The following PSMF1 variants were observed in gnomAD, a reference collection of about 807,000 sequenced individuals.
PSMF1 encodes proteasome inhibitor subunit 1.
PSMF1 carries 30 observed loss-of-function variants against 29.3 expected under a neutral mutation model. The observed-to-expected ratio is 1.02, with a 90% CI of 0.77 to 1.39. The LOEUF is 1.39. Ranked by LOEUF, PSMF1 falls within the 40% of genes most tolerant of loss-of-function variation. PSMF1 has a pLI of 0.00. For missense variants in PSMF1, 344 were observed against 357.5 expected, an observed-to-expected ratio of 0.96 and a Z score of 0.31; for synonymous variants, 134 against 139.7, an observed-to-expected ratio of 0.96 and a Z score of 0.29.
At chr20:1,138,316 ATTGAT>A (rs142597546) in intron 4 of PSMF1, among the ~76,000 whole-genome samples, 61,478 of 151,558 alleles carry the variant, frequency 0.41, 13,187 homozygotes, top group Admixed American at 0.48. Context: ...TCCAGGAATG[ATTGAT>A]TTAACATCTG....
chr20:1,149,234 C>A (rs896140539), intron 4 of PSMF1, among the ~76,000 whole-genome samples: 2 of 152,164 alleles, frequency 1.3e-5, no homozygotes, highest in Non-Finnish European at 2.9e-5. Flanking sequence ...TACTGTTAAA[C>A]CAACTTGACG....
At position 1,168,339 on chromosome 20, in the gene PSMF1, G is replaced by T. The variant is rs2086755794; in HGVS notation, c.*3259G>T. On this transcript the variant is annotated 3_prime_UTR_variant, in exon 7 of 7. Coordinates refer to ENST00000335877, the MANE Select transcript of PSMF1 (RefSeq NM_006814.5). ...GGTTTGAAATTTCTTTGTTTATCCA[G>T]TGAATTACAAGTAGAATAAAGATCT... The T allele has an allele frequency of 6.6e-6, 1 of 152,222 alleles. No homozygotes were observed. Among genetic ancestry groups the T allele is most frequent in the African/African-American group, 2.4e-5 (1 of 41,444 alleles). The allele number at this position is 152,222 out of a possible 1,614,324, so 9.4% of individuals were successfully genotyped here. A position where few individuals can be genotyped will look rare whatever the true frequency, so the allele number is the denominator to read the frequency against.
intron 4 of PSMF1, among the ~76,000 whole-genome samples, chr20:1,144,048 A>G (rs1019740227): frequency 6.6e-5 from 10 of 152,292 alleles, no homozygotes; most frequent in South Asian, 2.1e-4. Flanking sequence ...AGATGGCACC[A>G]CTGCTCTCCA....
chr20:1,157,306 A>C (rs2086606102), intron 4 of PSMF1, among the ~76,000 whole-genome samples: 1 of 152,164 alleles, frequency 6.6e-6, no homozygotes, highest in Non-Finnish European at 1.5e-5. Flanking sequence ...CCTTCAATCC[A>C]ATCAAGTTGG....
At chr20:1,115,874 A>G (rs944609695), upstream of PSMF1, among the ~76,000 whole-genome samples, 7 of 151,882 alleles carry the variant, frequency 4.6e-5, no homozygotes, top group Admixed American at 4.6e-4. Flanking sequence ...CTGGGATTAC[A>G]GGTGCCTGCC....
intron 3 of PSMF1, among the ~76,000 whole-genome samples, chr20:1,128,087 G>T (rs770574376): frequency 8.1e-4 from 123 of 152,296 alleles, no homozygotes; most frequent in Non-Finnish European, 1.9e-4. Flanking sequence ...ATGAGAATGT[G>T]TGTCTATCAT....
chr20:1,127,407 T>C lies in PSMF1; in HGVS notation c.283-19T>C. The C allele has an allele frequency of 1.9e-6, 3 of 1,560,102 alleles. No individual in the cohort carries two copies. Among genetic ancestry groups the C allele is most frequent in the South Asian group, 1.1e-5 (1 of 89,968 alleles). On this transcript the variant is annotated intron_variant, in intron 2 of 6. Transcript: ENST00000335877. ...CCAGAAATATCCCAGTCTCTCACTT[T>C]CTATTTTCACCCATCTAGGAATATG...
At chr20:1,161,062 G>T in intron 4 of PSMF1, 1 of 466,578 alleles carries the variant, frequency 2.1e-6, no homozygotes, top group Non-Finnish European at 3.7e-6. Context: ...TCACACACAC[G>T]GTGCCCATCT....
At chr20:1,131,466 G>A (rs1021080137) in intron 3 of PSMF1, among the ~76,000 whole-genome samples, 2 of 152,172 alleles carry the variant, frequency 1.3e-5, no homozygotes, top group Admixed American at 6.5e-5. Context: ...AGTGCTTAGC[G>A]CTTAGTCCAG....
At chr20:1,148,464 C>T (rs917419990) in intron 4 of PSMF1, among the ~76,000 whole-genome samples, 5 of 152,212 alleles carry the variant, frequency 3.3e-5, no homozygotes, top group Admixed American at 1.3e-4. Flanking sequence ...TATGCTTAAC[C>T]AGCTTCTCTA....
intron 4 of PSMF1, among the ~76,000 whole-genome samples, chr20:1,158,227 T>C (rs991331636): frequency 2.3e-4 from 34 of 151,104 alleles, no homozygotes; most frequent in African/African-American, 8.0e-4. Flanking sequence ...AAAAAAAAAC[T>C]AAACAAATTG....
At chr20:1,119,385 T>C (rs2086055029) in intron 1 of PSMF1, among the ~76,000 whole-genome samples, 1 of 152,054 alleles carries the variant, frequency 6.6e-6, no homozygotes, top group African/African-American at 2.4e-5. Flanking sequence ...TTTGACCTAC[T>C]CAGCCCCAGG....
chr20:1,116,241 G>A (rs1369433838), upstream of PSMF1, among the ~76,000 whole-genome samples: 1 of 152,118 alleles, frequency 6.6e-6, no homozygotes, highest in Non-Finnish European at 1.5e-5. Context: ...AATTGGATAA[G>A]GGCATTACAA....
rs759466723 is a variant in PSMF1, at chr20:1,163,083, G to A, written c.552-47G>A. ...GTTTGTGATCCCACATGTATCAGGT[G>A]CCTGGCTGCTCTGGGACTTGCAGTA... On this transcript the variant is annotated intron_variant, in intron 4 of 6. Transcript: ENST00000335877. This position sits in a 1 kb window ranked among gnomAD's most constrained non-coding sequence, Gnocchi z 6.1. 5 of 1,602,846 alleles carry A rather than the reference G, an allele frequency of 3.1e-6. No homozygotes were observed. The highest frequency in any genetic ancestry group is 4.3e-6 in the Non-Finnish European group (5 of 1,170,692).
At chr20:1,162,518 G>T (rs1347116783) in intron 4 of PSMF1, among the ~76,000 whole-genome samples, 1 of 152,158 alleles carries the variant, frequency 6.6e-6, no homozygotes, top group East Asian at 1.9e-4. Context: ...AGTCATTTAT[G>T]TGCCTTCTAG....
chr20:1,134,579 C>T (rs553846074), intron 3 of PSMF1, among the ~76,000 whole-genome samples: 54 of 152,172 alleles, frequency 3.5e-4, no homozygotes, highest in Non-Finnish European at 6.8e-4. Flanking sequence ...CTGTGGCTCA[C>T]GTCACTTGTC....
At chr20:1,127,030 G>C (rs905527582) in intron 2 of PSMF1, among the ~76,000 whole-genome samples, 2 of 152,126 alleles carry the variant, frequency 1.3e-5, no homozygotes, top group Non-Finnish European at 2.9e-5. Flanking sequence ...GTCTGCCCTG[G>C]TGCACCCTTC....
At chr20:1,118,458 C>G (rs994877641), upstream of PSMF1, 1 of 261,942 alleles carries the variant, frequency 3.8e-6, no homozygotes, top group Non-Finnish European at 7.3e-6. Context: ...GTCAGGCGAT[C>G]CTGTCGACTG....
chr20:1,152,735 G>GTA (rs2086546944), intron 4 of PSMF1, among the ~76,000 whole-genome samples: 1 of 152,242 alleles, frequency 6.6e-6, no homozygotes, highest in East Asian at 1.9e-4. Context: ...GACTATGGTG[G>GTA]TATATAAGGC....
Sources: allele counts gnomAD v4.1 joint callset (sites outside exome capture counted in the v4.1 genomes callset), GRCh38; gene constraint gnomAD v4.1.1; non-coding constraint Gnocchi (gnomAD v3.1); transcripts MANE v1.5; gene names NCBI Gene and HGNC (gene_info 2026-07-23, HGNC 2026-07-21).